The following TPH1 variants were observed in gnomAD, a reference collection of about 807,000 sequenced individuals.
The protein encoded by TPH1 is tryptophan 5-hydroxylase 1.
A neutral mutation model predicts 49.5 loss-of-function variants in TPH1; 37 were observed. That is an observed-to-expected ratio of 0.75 (90% CI 0.58 to 0.98). The LOEUF is 0.98. Ranked by LOEUF, TPH1 falls within the 50% of genes least tolerant of loss-of-function variation. TPH1 has a pLI of 0.00. For synonymous variants in TPH1, 160 were observed against 182.1 expected, an observed-to-expected ratio of 0.88 and a Z score of 0.98; for missense variants, 487 against 523.6, an observed-to-expected ratio of 0.93 and a Z score of 0.68.
chr11:18,035,718 A>G (rs1227402111), intron 3 of TPH1, among the ~76,000 whole-genome samples: 4 of 151,346 alleles, frequency 2.6e-5, no homozygotes, highest in Non-Finnish European at 1.5e-5. Flanking sequence ...GAGCCACCAC[A>G]CCCAGCTGTT....
chr11:18,043,699 CA>C (rs1272694333), intron 1 of TPH1, among the ~76,000 whole-genome samples: 8 of 151,798 alleles, frequency 5.3e-5, no homozygotes, highest in Non-Finnish European at 8.8e-5. Flanking sequence ...ACAACAACAA[CA>C]AAAAAAATTG....
In TPH1 at chr11:18,041,679, T is replaced by C. The variant is rs139786453; in HGVS notation, c.-26-891A>G. ...TCAAAATTTAACTAACATTTATGAA[T>C]TCATTGGGTTCAAGTTTCCAAAACT... On this transcript the variant is annotated intron_variant, in intron 1 of 10. Coordinates refer to ENST00000682019, the MANE Select transcript of TPH1 (RefSeq NM_004179.3). Among the ~76,000 whole-genome samples, 11 of 152,334 alleles carry C rather than the reference T, an allele frequency of 7.2e-5. No individual in the cohort carries two copies. The East Asian group carries it at 2.1e-3, about 29-fold the overall frequency.
chr11:18,020,979 G>T lies in TPH1; in HGVS notation c.*12C>A, dbSNP rs773052051. ...AATTGATGCTCAAATGTTCCTGGAT[G>T]ACTGGCTACTGTTAGATACTCGGCT... On this transcript the variant is annotated 3_prime_UTR_variant, in exon 11 of 11. Transcript: ENST00000682019. 6 of 1,613,600 alleles carry T rather than the reference G, an allele frequency of 3.7e-6. No homozygotes were observed. The highest frequency in any genetic ancestry group is 3.3e-5 in the Admixed American group (2 of 60,020).
In TPH1 at chr11:18,024,001, T is replaced by C. The variant is rs755224178; in HGVS notation, c.931-18A>G. ...AAGTAGCACTGCAAAAGAACATCAA[T>C]ATTATTCTCACACACTGACGAATTC... On this transcript the variant is annotated intron_variant, in intron 8 of 10. Coordinates refer to ENST00000682019, the MANE Select transcript of TPH1 (RefSeq NM_004179.3). 1.8e-5 allele frequency: 28 copies of C among 1,560,774 alleles called. No individual in the cohort carries two copies. The highest frequency in any genetic ancestry group is 2.2e-5 in the East Asian group (1 of 44,582).
At chr11:18,023,209 T>C in intron 9 of TPH1, 2 of 405,234 alleles carry the variant, frequency 4.9e-6, no homozygotes, top group South Asian at 4.8e-5. Flanking sequence ...TATTTATTCC[T>C]GTATTATGGC....
At chr11:18,025,538 AC>A in intron 8 of TPH1, 36 bp downstream of exon 8, 1 of 1,612,830 alleles carries the variant, frequency 6.2e-7, no homozygotes, top group East Asian at 2.2e-5. Context: ...CATACACCCT[AC>A]CCCAGGTGAA....
chr11:18,026,749 A>T, intron 6 of TPH1, 124 bp from the exon 7 acceptor site: 1 of 1,192,178 alleles, frequency 8.4e-7, no homozygotes, highest in Non-Finnish European at 1.2e-6. Context: ...ATAATTTATC[A>T]TATGCATATT....
chr11:18,045,482 C>CCCCT (rs1296740991), intron 1 of TPH1, among the ~76,000 whole-genome samples: 58 of 149,238 alleles, frequency 3.9e-4, no homozygotes, highest in African/African-American at 1.3e-3. Context: ...CCACCCCCCC[C>CCCCT]TTTTTTTTTT....
In TPH1 at chr11:18,023,055, C is replaced by T. The variant is rs1485477170; in HGVS notation, c.1027-124G>A. The stretch of plus-strand genomic sequence containing the variant: ...AATGGCCCCAATCTACAATTCCAAA[C>T]TTATTTCCTATAGCTCTATTCAACC... On this transcript the variant is annotated intron_variant, in intron 9 of 10. Coordinates refer to ENST00000682019, the MANE Select transcript of TPH1 (RefSeq NM_004179.3). 6.4e-6 allele frequency: 7 copies of T among 1,096,934 alleles called. No homozygotes were observed. In the Admixed American group the frequency reaches 1.0e-4, roughly 16 times the overall value. The allele number at this position is 1,096,934 out of a possible 1,614,324, so 68.0% of individuals were successfully genotyped here. A position where few individuals can be genotyped will look rare whatever the true frequency, so the allele number is the denominator to read the frequency against.
At chr11:18,041,197 C>G (rs996740943) in intron 1 of TPH1, 4 of 165,052 alleles carry the variant, frequency 2.4e-5, no homozygotes, top group African/African-American at 9.6e-5. Context: ...TCGAACATAT[C>G]TCACCTTCTA....
intron 4 of TPH1, among the ~76,000 whole-genome samples, chr11:18,032,096 C>T (rs964204074): frequency 3.9e-5 from 6 of 152,100 alleles, no homozygotes; most frequent in Non-Finnish European, 7.3e-5. Context: ...AAAAAGGTCA[C>T]ATTCACACAG....
chr11:18,038,765 T>G (rs1383561362), intron 2 of TPH1, among the ~76,000 whole-genome samples: 1 of 152,196 alleles, frequency 6.6e-6, no homozygotes, highest in East Asian at 1.9e-4. Context: ...TTTTAAGCTA[T>G]GCACAATTAT....
intron 8 of TPH1, among the ~76,000 whole-genome samples, chr11:18,024,732 C>A (rs980938513): frequency 2.6e-5 from 4 of 152,082 alleles, no homozygotes; most frequent in African/African-American, 9.7e-5. Context: ...CTCAAGGACC[C>A]CATAAAAGAG....
chr11:18,025,416 T>A lies in TPH1; in HGVS notation c.930+159A>T, dbSNP rs116090799. 6.3e-3 allele frequency among the ~76,000 whole-genome samples: 965 copies of A among 152,278 alleles called. 17 individuals carry two copies. Among genetic ancestry groups the A allele is most frequent in the African/African-American group, 0.022 (927 of 41,556 alleles). On this transcript the variant is annotated intron_variant, in intron 8 of 10. Transcript: ENST00000682019. ...TTTCTTTTCTGACAGAGTCTCTCTC[T>A]GTTGCCCAGGCTGGAGTGCAGTGGC...
rs1854377752 is a variant in TPH1, at chr11:18,022,802, TCTTCTCC to T, written c.1149_1155del (p.Glu384Ter). 1 of 1,613,116 alleles carries T rather than the reference TCTTCTCC, an allele frequency of 6.2e-7. No homozygotes were observed. ...CGTGAAGAAGATATACTGTACCTCA[TCTTCTCC>T]TTTGCATCTTCAAAACTTTCAGATA... On this transcript the variant is annotated frameshift_variant, in exon 10 of 11. Coordinates refer to ENST00000682019, the MANE Select transcript of TPH1 (RefSeq NM_004179.3). LOFTEE classifies it high-confidence loss of function.
At position 18,019,579 on chromosome 11, in the gene TPH1, C is replaced by CA. The variant is rs1285728988; in HGVS notation, c.*1411dup. On this transcript the variant is annotated 3_prime_UTR_variant, in exon 11 of 11. Transcript: ENST00000682019. ...CCAGGAGTTCGTTGGAATTAAGGGGCAAAAAAATTCAAGAAAGATGTCAGG... is the reference window on the plus strand; with the variant it reads ...CCAGGAGTTCGTTGGAATTAAGGGGCAAAAAAAATTCAAGAAAGATGTCAGG... The CA allele has an allele frequency of 4.4e-6, 2 of 449,694 alleles. No individual in the cohort carries two copies. Among genetic ancestry groups the CA allele is most frequent in the South Asian group, 1.6e-5 (1 of 63,184 alleles). 27.9% of individuals were successfully genotyped at this position (449,694 alleles called of 1,614,324 possible). A position where few individuals can be genotyped will look rare whatever the true frequency, so the allele number is the denominator to read the frequency against.
intron 3 of TPH1, among the ~76,000 whole-genome samples, chr11:18,035,666 T>C (rs1282309742): frequency 6.6e-6 from 1 of 152,090 alleles, no homozygotes. Flanking sequence ...TGGACTCAAG[T>C]GAGTCTGCCT....
chr11:18,020,763 A>C lies in TPH1; in HGVS notation c.*228T>G, dbSNP rs2134023949. On this transcript the variant is annotated 3_prime_UTR_variant, in exon 11 of 11. Transcript: ENST00000682019. ...TGTATGGTATATAAATTGTCTCATT[A>C]AAGCTGCTACCAAAAAAAAAAAGAA... 1 of 494,084 alleles carries C rather than the reference A, an allele frequency of 2.0e-6. No individual in the cohort carries two copies. The allele number at this position is 494,084 out of a possible 1,614,324, so 30.6% of individuals were successfully genotyped here.
chr11:18,033,980 C>G (rs902807734), intron 3 of TPH1, among the ~76,000 whole-genome samples: 29 of 152,190 alleles, frequency 1.9e-4, no homozygotes, highest in African/African-American at 7.0e-4. Flanking sequence ...TCTTCTCATT[C>G]CGCAAAGCCT....
Sources: allele counts gnomAD v4.1 joint callset (sites outside exome capture counted in the v4.1 genomes callset), GRCh38; gene constraint gnomAD v4.1.1; transcripts MANE v1.5; gene names NCBI Gene and HGNC (gene_info 2026-07-23, HGNC 2026-07-21).